IGSF11: variants seen among roughly 807,000 people sequenced by gnomAD.
The protein encoded by IGSF11 is CXADR like 1.
In IGSF11, 22 loss-of-function variants were observed where a neutral mutation model predicts 41.0. That is an observed-to-expected ratio of 0.54 (90% CI 0.38 to 0.77). The LOEUF (loss-of-function observed/expected upper bound fraction) is 0.77. Among genes scored for constraint, IGSF11 ranks in the 30% least tolerant of loss-of-function variants. The pLI is 0.00. For missense variants in IGSF11, 444 were observed against 530.8 expected (o/e 0.84, Z 1.61); for synonymous variants, 219 against 201.3 (o/e 1.09, Z -0.74).
chr3:119,062,093 T>C (rs1040177393), intron 1 of IGSF11, among the ~76,000 whole-genome samples: 8 of 152,178 alleles, frequency 5.3e-5, no homozygotes, highest in African/African-American at 1.9e-4. Context: ...GTAATATGTA[T>C]GAAAATGCCC....
intron 1 of IGSF11, among the ~76,000 whole-genome samples, chr3:119,065,940 G>A (rs964256558): frequency 1.3e-5 from 2 of 152,024 alleles, no homozygotes; most frequent in Admixed American, 1.3e-4. Flanking sequence ...TTTTCATCAG[G>A]GGAGGGCTGT....
In IGSF11 at chr3:119,005,834, C is replaced by T. The variant is rs1308145272; in HGVS notation, c.52+28697G>A. Among the ~76,000 whole-genome samples the T allele has an allele frequency of 2.5e-5, 3 of 119,890 alleles. No individual in the cohort carries two copies. In the East Asian group the frequency reaches 6.6e-4, roughly 26 times the overall value. The allele number at this position is 119,890 out of a possible 152,430, so 78.7% of individuals were successfully genotyped here. A position where few individuals can be genotyped will look rare whatever the true frequency, so the allele number is the denominator to read the frequency against. On this transcript the variant is annotated intron_variant, in intron 1 of 6. Coordinates refer to ENST00000393775, the MANE Select transcript of IGSF11 (RefSeq NM_001015887.3). ...TGTAGGGTTTCTGCCGAGAGATCCG[C>T]TGTTAGTCTGATGGGCTTCCCTTTG...
intron 1 of IGSF11, among the ~76,000 whole-genome samples, chr3:119,087,373 TACAC>T (rs200774982): frequency 0.095 from 14,001 of 147,356 alleles, 1,726 homozygotes; most frequent in African/African-American, 0.28. Context: ...GAAAATGTTA[TACAC>T]ACACACACAC....
intron 1 of IGSF11, among the ~76,000 whole-genome samples, chr3:119,045,483 C>G (rs542625718): frequency 6.6e-6 from 1 of 152,212 alleles, no homozygotes; most frequent in African/African-American, 2.4e-5. Flanking sequence ...GCACATGGCT[C>G]GGAGGGTCCT....
In IGSF11 at chr3:118,955,219, T is replaced by TACACAC. The variant is rs34044399; in HGVS notation, c.53-24950_53-24945dup. On this transcript the variant is annotated intron_variant, in intron 1 of 6. Transcript: ENST00000393775. Reference sequence around the variant, plus strand: ...TGGTATGTATGTATGTATATGTACATACACACACACACACACACACACACA... The same window carrying TACACAC: ...TGGTATGTATGTATGTATATGTACATACACACACACACACACACACACACACACACA... Among the ~76,000 whole-genome samples the TACACAC allele has an allele frequency of 2.0e-3, 291 of 144,500 alleles. 1 individual carries two copies. Among genetic ancestry groups the TACACAC allele is most frequent in the African/African-American group, 6.5e-3 (261 of 40,002 alleles). 94.8% of individuals were successfully genotyped at this position (144,500 alleles called of 152,430 possible). A position where few individuals can be genotyped will look rare whatever the true frequency, so the allele number is the denominator to read the frequency against.
chr3:118,984,770 T>C (rs1935089959), intron 1 of IGSF11, among the ~76,000 whole-genome samples: 1 of 152,042 alleles, frequency 6.6e-6, no homozygotes, highest in South Asian at 2.1e-4. Flanking sequence ...TAAAATGAAG[T>C]GTACCCTCCA....
chr3:119,058,256 A>T (rs1202328660), intron 1 of IGSF11, among the ~76,000 whole-genome samples: 7 of 151,882 alleles, frequency 4.6e-5, no homozygotes, highest in South Asian at 2.1e-4. Flanking sequence ...GAATCTACAA[A>T]GAACTCAAAC....
chr3:118,925,677 C>T (rs764075007), intron 4 of IGSF11, among the ~76,000 whole-genome samples: 1 of 152,086 alleles, frequency 6.6e-6, no homozygotes, highest in African/African-American at 2.4e-5. Flanking sequence ...TCTTATCTTC[C>T]TCCTCTAACC....
intron 1 of IGSF11, among the ~76,000 whole-genome samples, chr3:119,005,951 T>C (rs372695057): frequency 9.0e-4 from 124 of 137,468 alleles, no homozygotes; most frequent in Non-Finnish European, 1.3e-3. Context: ...CTTGGAGTTG[T>C]TCTTCTCGAG....
intron 1 of IGSF11, among the ~76,000 whole-genome samples, chr3:119,000,609 C>A (rs976176316): frequency 6.6e-6 from 1 of 151,394 alleles, no homozygotes; most frequent in Non-Finnish European, 1.5e-5. Context: ...TTGAATCAAA[C>A]CACTTCTCTT....
chr3:119,070,897 G>C (rs2076389504), intron 1 of IGSF11, among the ~76,000 whole-genome samples: 1 of 152,172 alleles, frequency 6.6e-6, no homozygotes. Context: ...TTTTGTCCAA[G>C]TGATCATGTG....
intron 1 of IGSF11, among the ~76,000 whole-genome samples, chr3:119,028,505 T>C (rs1231012759): frequency 6.6e-6 from 1 of 152,104 alleles, no homozygotes; most frequent in African/African-American, 2.4e-5. Flanking sequence ...ATACCAGACA[T>C]GAAAATGGTA....
intron 1 of IGSF11, among the ~76,000 whole-genome samples, chr3:119,104,361 C>G (rs1354869635): frequency 6.6e-6 from 1 of 152,158 alleles, no homozygotes; most frequent in African/African-American, 2.4e-5. Flanking sequence ...TATTCAAACT[C>G]CCCGTAATCT....
chr3:118,910,472 G>C (rs892229081), intron 4 of IGSF11, among the ~76,000 whole-genome samples: 1 of 152,078 alleles, frequency 6.6e-6, no homozygotes, highest in African/African-American at 2.4e-5. Context: ...CCTGTCACTA[G>C]GGACTTAGTT....
At chr3:119,011,081 G>A (rs779746176) in intron 1 of IGSF11, among the ~76,000 whole-genome samples, 10 of 152,104 alleles carry the variant, frequency 6.6e-5, no homozygotes, top group African/African-American at 2.4e-4. Flanking sequence ...AAATAACAAC[G>A]TTGGACAACA....
intron 1 of IGSF11, among the ~76,000 whole-genome samples, chr3:118,944,096 T>G (rs2107564499): frequency 6.6e-6 from 1 of 152,334 alleles, no homozygotes; most frequent in African/African-American, 2.4e-5. Flanking sequence ...TTTTAAAATT[T>G]TTCTTGATTT....
intron 6 of IGSF11, among the ~76,000 whole-genome samples, chr3:118,903,306 T>A (rs1939145664): frequency 6.6e-6 from 1 of 151,874 alleles, no homozygotes; most frequent in Non-Finnish European, 1.5e-5. Context: ...AGTAAATATA[T>A]AACAAATCTT....
intron 1 of IGSF11, among the ~76,000 whole-genome samples, chr3:119,139,510 T>G (rs980197328): frequency 6.6e-6 from 1 of 152,188 alleles, no homozygotes; most frequent in African/African-American, 2.4e-5. Context: ...GATCTGATGG[T>G]TTTAAAAACA....
intron 1 of IGSF11, among the ~76,000 whole-genome samples, chr3:118,948,943 G>A (rs1944368121): frequency 6.8e-6 from 1 of 146,666 alleles, no homozygotes; most frequent in Non-Finnish European, 1.5e-5. Flanking sequence ...CTGCCCTCCA[G>A]CCTGGGCGAC....
Sources: allele counts gnomAD v4.1 joint callset (sites outside exome capture counted in the v4.1 genomes callset), GRCh38; gene constraint gnomAD v4.1.1; transcripts MANE v1.5; gene names NCBI Gene and HGNC (gene_info 2026-07-23, HGNC 2026-07-21).